The following VPS13D variants were observed in gnomAD, a reference collection of about 807,000 sequenced individuals.
The protein encoded by VPS13D is vacuolar protein sorting 13 homolog D.
In VPS13D, 187 loss-of-function variants were observed where a neutral mutation model predicts 461.9. The ratio of observed to expected loss-of-function variants is 0.40; its 90% CI spans 0.36 to 0.46. VPS13D has a LOEUF of 0.46. Ranked by LOEUF, VPS13D falls within the 20% of genes least tolerant of loss-of-function variation. VPS13D has a pLI of 0.60. For synonymous variants in VPS13D, 1,951 were observed against 1,986.3 expected, an observed-to-expected ratio of 0.98 and a Z score of 0.47; for missense variants, 4,711 against 5,364.9, an observed-to-expected ratio of 0.88 and a Z score of 3.81.
chr1:12,362,122 C>T (rs1014942121), intron 50 of VPS13D, among the ~76,000 whole-genome samples: 2 of 152,164 alleles, frequency 1.3e-5, no homozygotes, highest in East Asian at 3.9e-4. Flanking sequence ...CTCGGCCTCC[C>T]AAAGTGCTGG....
At position 12,293,602 on chromosome 1, in the gene VPS13D, G is replaced by T. The variant is rs780173812; in HGVS notation, c.5931G>T (p.Val1977=). Residue 1977 remains valine, a synonymous_variant, in exon 24 of 70, where the codon GTG becomes GTT. Transcript: ENST00000620676. ...VSLRMASVQY[V]HTQRFQAEVV... is the part of the protein sequence containing the mutation. ...TCCGGATGGCCTCTGTGCAGTATGT[G>T]CATACTCAGCGTTTCCAGGCAGAGG... is the stretch of plus-strand genomic sequence containing the variant. 3.1e-6 allele frequency: 5 copies of T among 1,614,026 alleles called. No individual in the cohort carries two copies. Among genetic ancestry groups the T allele is most frequent in the Non-Finnish European group, 1.7e-6 (2 of 1,180,016 alleles).
chr1:12,383,142 C>G lies in VPS13D; in HGVS notation c.11357C>G (p.Thr3786Ser). The change falls in exon 58 of 70, where the codon ACT becomes AGT. Residue 3786 changes from threonine to serine, a missense_variant. Thr to Ser is a moderately conservative substitution (Grantham distance 58, BLOSUM62 1). Coordinates refer to ENST00000620676, the MANE Select transcript of VPS13D (RefSeq NM_015378.4). ...LSIRVIPDGP[T>S]RALQITDFCH... ...ATCAGAGTCATCCCAGATGGACCAACTAGAGCACTCCAGGTGATAATTTGT... is the reference window on the plus strand; with the variant it reads ...ATCAGAGTCATCCCAGATGGACCAAGTAGAGCACTCCAGGTGATAATTTGT... The G allele has an allele frequency of 6.2e-7, 1 of 1,613,272 alleles. No homozygotes were observed. The highest frequency in any genetic ancestry group is 1.1e-5 in the South Asian group (1 of 90,882).
rs563951236 is a variant in VPS13D at position 12,495,365 on chromosome 1, A to G, written c.12663-2135A>G. ...GTAGTATTTTTAGTTTCACCGTGTT[A>G]GCCAGGATGATCTTGATCTCCTGAC... On this transcript the variant is annotated intron_variant, in intron 67 of 69. Transcript: ENST00000620676. This position sits in a 1 kb window ranked among gnomAD's most constrained non-coding sequence, Gnocchi z 4.0. 4.6e-5 allele frequency among the ~76,000 whole-genome samples: 7 copies of G among 152,088 alleles called. 1 individual carries two copies. The highest frequency in any genetic ancestry group is 3.9e-4 in the Admixed American group (6 of 15,280).
intron 67 of VPS13D, among the ~76,000 whole-genome samples, chr1:12,483,292 T>C (rs1645749113): frequency 6.6e-6 from 1 of 152,202 alleles, no homozygotes; most frequent in Admixed American, 6.5e-5. Context: ...TGTTACTCTT[T>C]TAAGTCTTTG....
rs537187053 is a variant in VPS13D, at chr1:12,241,503, CT to C, written c.98-1009del. 4.5e-3 allele frequency among the ~76,000 whole-genome samples: 684 copies of C among 152,300 alleles called. 4 individuals are homozygous for C. The highest frequency in any genetic ancestry group is 0.014 in the Middle Eastern group (4 of 294). On this transcript the variant is annotated intron_variant, in intron 2 of 69. Coordinates refer to ENST00000620676, the MANE Select transcript of VPS13D (RefSeq NM_015378.4). ...GATTTAAGGATGGGGACTCTGCCTT[CT>C]CTTTTTACATTTTCAGTGGCCATCA... is the stretch of plus-strand genomic sequence containing the variant.
At chr1:12,387,612 G>T (rs1452405442) in intron 60 of VPS13D, among the ~76,000 whole-genome samples, 3 of 152,030 alleles carry the variant, frequency 2.0e-5, no homozygotes, top group African/African-American at 7.2e-5. Context: ...AGAATTTTTG[G>T]AGGACGTTAA....
At chr1:12,241,387 C>T (rs1158546592) in intron 2 of VPS13D, among the ~76,000 whole-genome samples, 4 of 152,230 alleles carry the variant, frequency 2.6e-5, no homozygotes, top group Admixed American at 1.3e-4. Context: ...GTCTGTACTC[C>T]GTGTTCTTGA....
chr1:12,267,619 C>T (rs1641311549), intron 14 of VPS13D, among the ~76,000 whole-genome samples: 1 of 151,948 alleles, frequency 6.6e-6, no homozygotes, highest in African/African-American at 2.4e-5. Context: ...TTAAATGTGC[C>T]GAGTGCAAAG....
At chr1:12,269,765 A>G (rs1393876288) in intron 16 of VPS13D, among the ~76,000 whole-genome samples, 1 of 152,208 alleles carries the variant, frequency 6.6e-6, no homozygotes, top group African/African-American at 2.4e-5. Context: ...ATTACAATGA[A>G]TCTGTTTTAG....
At chr1:12,429,230 G>A (rs1471913723) in intron 65 of VPS13D, among the ~76,000 whole-genome samples, 2 of 151,626 alleles carry the variant, frequency 1.3e-5, no homozygotes, top group African/African-American at 4.9e-5. Context: ...TTCACATGCT[G>A]TACATTCAAT....
At chr1:12,416,172 C>T (rs534774520) in intron 64 of VPS13D, among the ~76,000 whole-genome samples, 2 of 152,282 alleles carry the variant, frequency 1.3e-5, no homozygotes, top group Admixed American at 6.5e-5. Context: ...GACTGAGACC[C>T]TGCTTCAGAG....
chr1:12,258,544 G>T (rs1026115053), intron 10 of VPS13D, among the ~76,000 whole-genome samples: 1 of 152,056 alleles, frequency 6.6e-6, no homozygotes, highest in African/African-American at 2.4e-5. Context: ...GCAGAAAAGG[G>T]TGAAGTACGT....
intron 14 of VPS13D, 123 bp downstream of exon 14, chr1:12,267,134 GA>G (rs1641296164): frequency 8.9e-7 from 1 of 1,129,636 alleles, no homozygotes; most frequent in Admixed American, 3.0e-5. Flanking sequence ...GCTGGGATTA[GA>G]AAAGTTTCTT....
At chr1:12,336,882 T>A (rs1643462688) in intron 39 of VPS13D, 1 of 152,226 alleles carries the variant, frequency 6.6e-6, no homozygotes, top group African/African-American at 2.4e-5. Context: ...CCCAGAAGAC[T>A]CTAAATAATC....
At chr1:12,250,724 C>T (rs1247086755) in intron 6 of VPS13D, among the ~76,000 whole-genome samples, 5 of 152,240 alleles carry the variant, frequency 3.3e-5, no homozygotes, top group Admixed American at 1.3e-4. Context: ...GCACGAGAGG[C>T]GGAGTGAAAA....
At chr1:12,273,511 T>G (rs1456596652) in intron 18 of VPS13D, among the ~76,000 whole-genome samples, 1 of 152,194 alleles carries the variant, frequency 6.6e-6, no homozygotes, top group East Asian at 1.9e-4. Context: ...GGGAGGACTT[T>G]TGCATCTTCC....
intron 22 of VPS13D, among the ~76,000 whole-genome samples, chr1:12,290,448 C>T (rs777067140): frequency 7.9e-5 from 12 of 152,150 alleles, no homozygotes; most frequent in South Asian, 4.2e-4. Flanking sequence ...TGTTGCCGGG[C>T]GCGGTGGCTC....
rs1248894375 is a variant in VPS13D at position 12,362,621 on chromosome 1, CAG to C, written c.10142-95_10142-94del. 2.2e-5 allele frequency: 27 copies of C among 1,203,102 alleles called. No homozygotes were observed. In the African/African-American group the frequency reaches 4.1e-4, roughly 18 times the overall value. The allele number at this position is 1,203,102 out of a possible 1,614,324, so 74.5% of individuals were successfully genotyped here. ...CCTCTGGGTGATACAGTTATTTTCTCAGAGAAACTAAGTAACTGTGAAGGTTA... is the reference window on the plus strand; with the variant it reads ...CCTCTGGGTGATACAGTTATTTTCTCAGAAACTAAGTAACTGTGAAGGTTA... On this transcript the variant is annotated intron_variant, in intron 50 of 69. Coordinates refer to ENST00000620676, the MANE Select transcript of VPS13D (RefSeq NM_015378.4).
chr1:12,453,207 G>T (rs549497053), intron 65 of VPS13D, among the ~76,000 whole-genome samples: 1 of 152,172 alleles, frequency 6.6e-6, no homozygotes, highest in African/African-American at 2.4e-5. Context: ...GATATTAATT[G>T]ATGGGAGTAG....
Sources: gnomAD v4.1 joint callset for allele counts (sites outside exome capture counted in the v4.1 genomes callset) on GRCh38, gnomAD v4.1.1 for gene constraint, Gnocchi (gnomAD v3.1) non-coding constraint, MANE v1.5 for transcripts, NCBI Gene and HGNC (gene_info 2026-07-23, HGNC 2026-07-21) for gene names.